The following LRRC31 variants were observed in gnomAD, a reference collection of about 807,000 sequenced individuals.
LRRC31 encodes the protein leucine-rich repeat-containing protein 31.
LRRC31 carries 35 observed loss-of-function variants against 46.7 expected under a neutral mutation model. The ratio of observed to expected loss-of-function variants is 0.75; its 90% CI spans 0.57 to 0.99. LRRC31 has a LOEUF of 0.99. LRRC31 is among the 50% of genes least tolerant of loss of function. The probability of loss-of-function intolerance (pLI) is 0.00; values close to 1 mark genes in which losing one functional copy is unlikely to be tolerated. For missense variants in LRRC31, 613 were observed against 626.1 expected, an observed-to-expected ratio of 0.98 and a Z score of 0.22; for synonymous variants, 236 against 235.1, an observed-to-expected ratio of 1.00 and a Z score of -0.03.
At position 169,848,070 on chromosome 3, in the gene LRRC31, C is replaced by G. The variant is rs761990710; in HGVS notation, c.1327+50G>C. 8 of 1,572,048 alleles carry G rather than the reference C, an allele frequency of 5.1e-6. No individual in the cohort carries two copies. In the African/African-American group the frequency reaches 1.1e-4, roughly 21 times the overall value. ...CCCACCTGGTGCTTTGCAGGGGCCG[C>G]ACCCACTGCTCTGTTTGCCAAGACC... On this transcript the variant is annotated intron_variant, in intron 8 of 8. Transcript: ENST00000316428.
At chr3:169,855,768 A>G (rs1780921100) in intron 5 of LRRC31, among the ~76,000 whole-genome samples, 1 of 152,226 alleles carries the variant, frequency 6.6e-6, no homozygotes, top group African/African-American at 2.4e-5. Context: ...GCAGCAAAGA[A>G]ACTTTATTTT....
intron 1 of LRRC31, among the ~76,000 whole-genome samples, chr3:169,866,043 A>G (rs1244698039): frequency 1.3e-5 from 2 of 152,164 alleles, no homozygotes; most frequent in Non-Finnish European, 2.9e-5. Flanking sequence ...GATATCCAAT[A>G]TCCAACTGAT....
At chr3:169,840,834 T>TA (rs1780426377) in intron 8 of LRRC31, among the ~76,000 whole-genome samples, 1 of 152,240 alleles carries the variant, frequency 6.6e-6, no homozygotes, top group South Asian at 2.1e-4. Context: ...ATATCAGTAC[T>TA]ACCTACAATG....
At chr3:169,840,444 C>A in intron 8 of LRRC31, 131 bp from the exon 9 acceptor site, 7 of 941,442 alleles carry the variant, frequency 7.4e-6, no homozygotes, top group Non-Finnish European at 1.2e-5. Flanking sequence ...TTGTTATTAG[C>A]AGCTTTATTC....
chr3:169,851,874 G>C (rs1020528187), intron 6 of LRRC31, 88 bp from the exon 7 acceptor site: 1 of 1,358,382 alleles, frequency 7.4e-7, no homozygotes. Context: ...TGTTTAATCT[G>C]TCAGTCAATA....
intron 1 of LRRC31, among the ~76,000 whole-genome samples, chr3:169,863,373 C>T (rs1781232888): frequency 6.6e-6 from 1 of 152,028 alleles, no homozygotes; most frequent in African/African-American, 2.4e-5. Flanking sequence ...TTTATTAACC[C>T]TGACAAAAAG....
intron 6 of LRRC31, among the ~76,000 whole-genome samples, chr3:169,852,402 C>CA (rs11344242): frequency 0.041 from 3,643 of 88,182 alleles, 439 homozygotes; most frequent in Non-Finnish European, 0.064. Flanking sequence ...GACTCCGTCT[C>CA]AAAAAAAAAA....
rs1180073387 is a variant in LRRC31, at chr3:169,857,345, TACACAC to T, written c.488-479_488-474del. Among the ~76,000 whole-genome samples, 19 of 89,420 alleles carry T rather than the reference TACACAC, an allele frequency of 2.1e-4. 1 individual carries two copies. The highest frequency in any genetic ancestry group is 4.2e-4 in the Admixed American group (3 of 7,136). The allele number at this position is 89,420 out of a possible 152,430, so 58.7% of individuals were successfully genotyped here. A position where few individuals can be genotyped will look rare whatever the true frequency, so the allele number is the denominator to read the frequency against. ...ATATATATATATATATATATATATATACACACACACACACACACACACACAAGTATA... is the reference window on the plus strand; with the variant it reads ...ATATATATATATATATATATATATATACACACACACACACACACAAGTATA... On this transcript the variant is annotated intron_variant, in intron 3 of 8. Transcript: ENST00000316428.
chr3:169,851,596 C>A, intron 7 of LRRC31, 23 bp downstream of exon 7: 2 of 1,605,302 alleles, frequency 1.2e-6, no homozygotes, highest in Non-Finnish European at 8.5e-7. Context: ...ATGGTTCCTG[C>A]AGGGATCTGG....
At chr3:169,854,771 A>G in intron 6 of LRRC31, 42 bp downstream of exon 6, 1 of 1,506,942 alleles carries the variant, frequency 6.6e-7, no homozygotes, top group East Asian at 2.3e-5. Context: ...ATATAGGCCA[A>G]GATTCCAAAA....
rs1491209579 is a variant in LRRC31 at position 169,857,345 on chromosome 3, T to TATATATATATATATATACAC, written c.488-474_488-473insGTGTATATATATATATATAT. On this transcript the variant is annotated intron_variant, in intron 3 of 8. Coordinates refer to ENST00000316428, the MANE Select transcript of LRRC31 (RefSeq NM_024727.4). ...ATATATATATATATATATATATATA[T>TATATATATATATATATACAC]ACACACACACACACACACACACACA... Among the ~76,000 whole-genome samples, 428 of 89,126 alleles carry TATATATATATATATATACAC rather than the reference T, an allele frequency of 4.8e-3. 4 individuals are homozygous for TATATATATATATATATACAC. Among genetic ancestry groups the TATATATATATATATATACAC allele is most frequent in the Non-Finnish European group, 6.8e-3 (324 of 47,730 alleles). The allele number at this position is 89,126 out of a possible 152,430, so 58.5% of individuals were successfully genotyped here. A position where few individuals can be genotyped will look rare whatever the true frequency, so the allele number is the denominator to read the frequency against.
intron 6 of LRRC31, chr3:169,853,704 C>T (rs1398200718): frequency 2.0e-6 from 2 of 984,668 alleles, no homozygotes; most frequent in African/African-American, 3.5e-5. Context: ...TTGAATTCTT[C>T]CCATTTTCCC....
chr3:169,861,647 T>C, intron 2 of LRRC31, 23 bp downstream of exon 2: 1 of 1,611,680 alleles, frequency 6.2e-7, no homozygotes, highest in Non-Finnish European at 8.5e-7. Flanking sequence ...TCTTCCTCTA[T>C]GCAAAGTCTG....
Position 169,856,399 on chromosome 3 carries a change from A to G in LRRC31, c.760T>C (p.Ser254Pro). The G allele has an allele frequency of 6.2e-7, 1 of 1,606,740 alleles. No individual in the cohort carries two copies. The highest frequency in any genetic ancestry group is 8.5e-7 in the Non-Finnish European group (1 of 1,176,654). ...NSIAQGLKST[S>P]NLKVLKLHSC... Reference sequence around the variant, plus strand: ...TGTAACTTCAGTACTTTCAGATTTGAGGTGCTTTTTAATCCCTGAGCAATA... The same window carrying G: ...TGTAACTTCAGTACTTTCAGATTTGGGGTGCTTTTTAATCCCTGAGCAATA... Residue 254 changes from serine to proline, a missense_variant, in exon 5 of 9, where the codon TCA becomes CCA. Coordinates refer to ENST00000316428, the MANE Select transcript of LRRC31 (RefSeq NM_024727.4).
chr3:169,845,636 A>T (rs1337068802), intron 8 of LRRC31, among the ~76,000 whole-genome samples: 2 of 152,214 alleles, frequency 1.3e-5, no homozygotes, highest in Non-Finnish European at 2.9e-5. Context: ...ATGGCACTCA[A>T]ATAATTGGAC....
At chr3:169,865,655 T>C (rs1781308333) in intron 1 of LRRC31, among the ~76,000 whole-genome samples, 1 of 152,204 alleles carries the variant, frequency 6.6e-6, no homozygotes, top group Non-Finnish European at 1.5e-5. Context: ...AAGCCACCGT[T>C]ACCGTATAGA....
chr3:169,861,226 G>T (rs1215008496), intron 2 of LRRC31, among the ~76,000 whole-genome samples: 1 of 150,992 alleles, frequency 6.6e-6, no homozygotes, highest in Admixed American at 6.6e-5. Flanking sequence ...CCGCCACCAC[G>T]CCTGGCTAAC....
intron 7 of LRRC31, among the ~76,000 whole-genome samples, chr3:169,851,314 G>T (rs1780757432): frequency 6.6e-6 from 1 of 152,134 alleles, no homozygotes; most frequent in Middle Eastern, 3.2e-3. Context: ...TCAGGAGGCT[G>T]AGGCAGGAGA....
chr3:169,863,065 T>C (rs992816709), intron 1 of LRRC31, among the ~76,000 whole-genome samples: 1 of 151,924 alleles, frequency 6.6e-6, no homozygotes, highest in African/African-American at 2.4e-5. Flanking sequence ...GTATTTTTAG[T>C]AGAGATGAGG....
Sources: gnomAD v4.1 joint callset for allele counts (sites outside exome capture counted in the v4.1 genomes callset) on GRCh38, gnomAD v4.1.1 for gene constraint, MANE v1.5 for transcripts, NCBI Gene and HGNC (gene_info 2026-07-23, HGNC 2026-07-21) for gene names.